Variants in RNF216 observed in about 807,000 individuals in gnomAD.
RNF216 encodes ring finger protein 216.
A neutral mutation model predicts 110.8 loss-of-function variants in RNF216; 72 were observed. The observed-to-expected ratio is 0.65, with a 90% CI of 0.54 to 0.79. The LOEUF (loss-of-function observed/expected upper bound fraction) is 0.79, where lower values mean the gene tolerates loss of function less well. Ranked by LOEUF, RNF216 falls within the 30% of genes least tolerant of loss-of-function variation. The pLI is 0.00. For missense variants in RNF216, 1,342 were observed against 1,141.2 expected (o/e 1.18, Z -2.54); for synonymous variants, 495 against 407.5 (o/e 1.21, Z -2.59).
chr7:5,772,753 T>G (rs1366659393), intron 1 of RNF216, among the ~76,000 whole-genome samples: 1 of 151,208 alleles, frequency 6.6e-6, no homozygotes, highest in Non-Finnish European at 1.5e-5. Context: ...TTTCTAGCAT[T>G]GATAACTGAA....
chr7:5,698,627 C>G (rs1027222340), intron 13 of RNF216, among the ~76,000 whole-genome samples: 1 of 152,168 alleles, frequency 6.6e-6, no homozygotes, highest in African/African-American at 2.4e-5. Flanking sequence ...CTCATAACCT[C>G]AAGCAATCCT....
At chr7:5,770,166 A>G (rs374985580) in intron 1 of RNF216, among the ~76,000 whole-genome samples, 52 of 151,902 alleles carry the variant, frequency 3.4e-4, no homozygotes, top group African/African-American at 1.2e-3. Flanking sequence ...AACCCCATCA[A>G]ACAAGATTAC....
chr7:5,741,125 C>A lies in RNF216; in HGVS notation c.892G>T (p.Glu298Ter). The change falls in exon 4 of 17, where the codon GAG (glutamate) becomes TAG (stop). Residue 298 changes from glutamate to a stop codon, truncating the protein, a stop_gained. Transcript: ENST00000389902. LOFTEE classifies it high-confidence loss of function. ...SSPQPAHPLG[E>*]FEDQQLASDD... is the part of the protein sequence containing the mutation. ...CTTGCTAACTGCTGGTCTTCAAACT[C>A]TCCTAGAGGATGGGCAGGCTGAGGA... 6.2e-7 allele frequency: 1 copy of A among 1,614,172 alleles called. No homozygotes were observed. The highest frequency in any genetic ancestry group is 8.5e-7 in the Non-Finnish European group (1 of 1,180,040).
chr7:5,763,140 T>C (rs749256887), intron 1 of RNF216, among the ~76,000 whole-genome samples: 1 of 152,030 alleles, frequency 6.6e-6, no homozygotes, highest in East Asian at 1.9e-4. Context: ...CCCATGTCTA[T>C]TATGGAAGGA....
rs544862690 is a variant in RNF216 at position 5,624,218 on chromosome 7, C to T, written c.2383-93G>A. 6.4e-4 allele frequency: 687 copies of T among 1,069,898 alleles called. No homozygotes were observed. Among genetic ancestry groups the T allele is most frequent in the Non-Finnish European group, 8.7e-4 (621 of 717,868 alleles). The allele number at this position is 1,069,898 out of a possible 1,614,324, so 66.3% of individuals were successfully genotyped here. Reference sequence around the variant, plus strand: ...GAGGAGGCCGCTTGTTGCTTATGGCCATGGAACAAGCCCGAAGCCTGCTGC... The same window carrying T: ...GAGGAGGCCGCTTGTTGCTTATGGCTATGGAACAAGCCCGAAGCCTGCTGC... On this transcript the variant is annotated intron_variant, in intron 15 of 16. Transcript: ENST00000389902. The surrounding 1 kb of genome is among the most constrained non-coding windows in gnomAD (Gnocchi z 4.4).
chr7:5,664,387 C>T (rs1431930959), intron 13 of RNF216, among the ~76,000 whole-genome samples: 3 of 152,158 alleles, frequency 2.0e-5, no homozygotes, highest in African/African-American at 7.2e-5. Flanking sequence ...ATGAGTTAAA[C>T]TACAAACAGC....
intron 15 of RNF216, among the ~76,000 whole-genome samples, chr7:5,639,448 G>T (rs1787598416): frequency 6.6e-6 from 1 of 151,946 alleles, no homozygotes; most frequent in South Asian, 2.1e-4. Flanking sequence ...TTACACCCAT[G>T]AGCCACCACA....
chr7:5,709,948 G>A (rs1368975435), intron 13 of RNF216, among the ~76,000 whole-genome samples: 2 of 152,124 alleles, frequency 1.3e-5, no homozygotes, highest in African/African-American at 4.8e-5. Context: ...TGTAGAGATA[G>A]GGTCTATGTT....
chr7:5,678,513 G>C (rs536850029), intron 13 of RNF216, among the ~76,000 whole-genome samples: 1 of 152,202 alleles, frequency 6.6e-6, no homozygotes, highest in Non-Finnish European at 1.5e-5. Context: ...ATGGCTCTGG[G>C]CCCGCCTGAG....
At chr7:5,639,994 T>C (rs1041384538) in intron 15 of RNF216, among the ~76,000 whole-genome samples, 6 of 150,118 alleles carry the variant, frequency 4.0e-5, no homozygotes, top group Non-Finnish European at 7.4e-5. Flanking sequence ...CTCCTGACCT[T>C]GTGATCCACC....
At chr7:5,686,984 T>C (rs1791027224) in intron 13 of RNF216, among the ~76,000 whole-genome samples, 1 of 152,212 alleles carries the variant, frequency 6.6e-6, no homozygotes, top group Non-Finnish European at 1.5e-5. Context: ...GGCCTGGGGA[T>C]GGGGACTGGG....
chr7:5,772,222 A>T (rs1422798717), intron 1 of RNF216, among the ~76,000 whole-genome samples: 1 of 152,188 alleles, frequency 6.6e-6, no homozygotes, highest in East Asian at 1.9e-4. Context: ...AACAAGAGTG[A>T]AACTCCGTCC....
intron 15 of RNF216, among the ~76,000 whole-genome samples, chr7:5,640,203 C>G (rs1212690685): frequency 2.0e-5 from 3 of 152,072 alleles, no homozygotes; most frequent in African/African-American, 7.2e-5. Flanking sequence ...TGACCCTCTC[C>G]CCCAGTTTTT....
intron 11 of RNF216, 129 bp downstream of exon 11, chr7:5,714,924 G>T: frequency 1.3e-6 from 1 of 744,718 alleles, no homozygotes; most frequent in Non-Finnish European, 2.1e-6. Context: ...ATCAGGTAAT[G>T]TACACATAAG....
chr7:5,746,476 T>C (rs944863901), intron 3 of RNF216, among the ~76,000 whole-genome samples: 2 of 152,162 alleles, frequency 1.3e-5, no homozygotes, highest in South Asian at 2.1e-4. Flanking sequence ...ACCAGCTGTG[T>C]TGAGTGCAGG....
At chr7:5,650,733 G>C (rs1330953989) in intron 14 of RNF216, among the ~76,000 whole-genome samples, 1 of 152,134 alleles carries the variant, frequency 6.6e-6, no homozygotes, top group African/African-American at 2.4e-5. Context: ...AGGACTTTCT[G>C]CTTTTAAGGA....
intron 8 of RNF216, among the ~76,000 whole-genome samples, chr7:5,723,761 G>C (rs1793589361): frequency 6.6e-6 from 1 of 152,146 alleles, no homozygotes; most frequent in Admixed American, 6.6e-5. Context: ...CACTCTTTGA[G>C]TCAAGCAATT....
At position 5,645,008 on chromosome 7, in the gene RNF216, C is replaced by T. The variant is rs75454051; in HGVS notation, c.2160-3632G>A. On this transcript the variant is annotated intron_variant, in intron 14 of 16. Transcript: ENST00000389902. ...CCTGGCTAATTTTTGCATTTTTAGGCGTTTCATCATATTGGCCAGGGTCAT... is the reference window on the plus strand; with the variant it reads ...CCTGGCTAATTTTTGCATTTTTAGGTGTTTCATCATATTGGCCAGGGTCAT... Among the ~76,000 whole-genome samples, 164 of 151,412 alleles carry T rather than the reference C, an allele frequency of 1.1e-3. 5 individuals are homozygous for T. The East Asian group carries it at 0.029, about 27-fold the overall frequency.
intron 3 of RNF216, among the ~76,000 whole-genome samples, chr7:5,751,769 T>C (rs569649519): frequency 7.9e-4 from 114 of 145,028 alleles, no homozygotes; most frequent in Non-Finnish European, 1.5e-3. Flanking sequence ...CTGAATTTTA[T>C]GGAAGGAAGT....
Sources: allele counts gnomAD v4.1 joint callset (sites outside exome capture counted in the v4.1 genomes callset), GRCh38; gene constraint gnomAD v4.1.1; non-coding constraint Gnocchi (gnomAD v3.1); transcripts MANE v1.5; gene names NCBI Gene and HGNC (gene_info 2026-07-23, HGNC 2026-07-21).